SRGAP1: variants seen among roughly 807,000 people sequenced by gnomAD.
The protein encoded by SRGAP1 is SLIT-ROBO Rho GTPase activating protein 1.
SRGAP1 carries 43 observed loss-of-function variants against 121.9 expected under a neutral mutation model. The ratio of observed to expected loss-of-function variants is 0.35; its 90% CI spans 0.28 to 0.46. The LOEUF (loss-of-function observed/expected upper bound fraction) is 0.46, where lower values mean the gene tolerates loss of function less well. Ranked by LOEUF, SRGAP1 falls within the 20% of genes least tolerant of loss-of-function variation. The pLI, the probability that SRGAP1 is intolerant of heterozygous loss-of-function variation, is 1.00. For missense variants in SRGAP1, 1,102 were observed against 1,350.9 expected, an observed-to-expected ratio of 0.82 and a Z score of 2.89; for synonymous variants, 447 against 485.4, an observed-to-expected ratio of 0.92 and a Z score of 1.04.
intron 1 of SRGAP1, among the ~76,000 whole-genome samples, chr12:63,941,948 G>A (rs974277649): frequency 2.0e-5 from 3 of 152,066 alleles, no homozygotes; most frequent in African/African-American, 7.3e-5. Context: ...TTCCAAACCT[G>A]GAAATCACAG....
chr12:63,927,168 G>C (rs1163350194), intron 1 of SRGAP1, among the ~76,000 whole-genome samples: 1 of 152,078 alleles, frequency 6.6e-6, no homozygotes, highest in Non-Finnish European at 1.5e-5. Context: ...TGAAATTCTT[G>C]ACTTGAATAG....
chr12:63,987,778 T>A lies in SRGAP1; in HGVS notation c.264-2132T>A, dbSNP rs150337858. ...AAAGAATCTCTGCCTCAAATGGTAGTAATAAGGATTAAGTAGAGTTGATGT... is the reference window on the plus strand; with the variant it reads ...AAAGAATCTCTGCCTCAAATGGTAGAAATAAGGATTAAGTAGAGTTGATGT... On this transcript the variant is annotated intron_variant, in intron 2 of 21. Coordinates refer to ENST00000355086, the MANE Select transcript of SRGAP1 (RefSeq NM_020762.4). 3.3e-5 allele frequency among the ~76,000 whole-genome samples: 5 copies of A among 152,290 alleles called. No homozygotes were observed. The East Asian group carries it at 5.8e-4, about 18-fold the overall frequency.
At chr12:64,098,570 T>C (rs2036203291) in intron 15 of SRGAP1, among the ~76,000 whole-genome samples, 1 of 151,916 alleles carries the variant, frequency 6.6e-6, no homozygotes, top group African/African-American at 2.4e-5. Flanking sequence ...CTTGGGAGGC[T>C]GAAGCAGGAG....
intron 1 of SRGAP1, among the ~76,000 whole-genome samples, chr12:63,852,845 C>T (rs1899119324): frequency 6.6e-6 from 1 of 152,096 alleles, no homozygotes; most frequent in Non-Finnish European, 1.5e-5. Context: ...CACTAGAAAG[C>T]ACTTTGATAT....
chr12:64,016,819 T>C (rs1371929277), intron 3 of SRGAP1, 131 bp from the exon 4 acceptor site: 1 of 542,092 alleles, frequency 1.8e-6, no homozygotes, highest in Admixed American at 3.5e-5. Context: ...AAAGGGCCAT[T>C]CCGTTAAAGA....
At chr12:63,973,280 A>G (rs1288763300) in intron 1 of SRGAP1, among the ~76,000 whole-genome samples, 1 of 152,270 alleles carries the variant, frequency 6.6e-6, no homozygotes, top group African/African-American at 2.4e-5. Context: ...TAGACCATCT[A>G]GAAGCACAGG....
chr12:63,923,559 G>A (rs990427487), intron 1 of SRGAP1, among the ~76,000 whole-genome samples: 2 of 152,100 alleles, frequency 1.3e-5, no homozygotes, highest in African/African-American at 4.8e-5. Flanking sequence ...TACTTATTCT[G>A]TCTCTCTAAT....
chr12:63,947,569 C>G (rs1439739297), intron 1 of SRGAP1, among the ~76,000 whole-genome samples: 1 of 152,050 alleles, frequency 6.6e-6, no homozygotes. Flanking sequence ...CCTGTTAAAC[C>G]TTTTTCAAAA....
chr12:64,075,905 A>G (rs2136557410), intron 8 of SRGAP1, among the ~76,000 whole-genome samples: 1 of 150,046 alleles, frequency 6.7e-6, no homozygotes, highest in South Asian at 2.2e-4. Context: ...TTCTTTCCCA[A>G]ACATTATTTT....
rs567618391 is a variant in SRGAP1, at chr12:64,011,927, C to CT, written c.427-5023_427-5022insT. ...GCCCAGCCTGGGCAACATGGCAAAA[C>CT]CCTCTCTACATAAAATACAAAAATT... On this transcript the variant is annotated intron_variant, in intron 3 of 21. Transcript: ENST00000355086. Among the ~76,000 whole-genome samples the CT allele has an allele frequency of 1.2e-3, 179 of 152,158 alleles. 1 individual carries two copies. Among genetic ancestry groups the CT allele is most frequent in the African/African-American group, 4.1e-3 (171 of 41,484 alleles).
intron 1 of SRGAP1, among the ~76,000 whole-genome samples, chr12:63,867,523 T>C (rs2136273112): frequency 6.6e-6 from 1 of 152,306 alleles, no homozygotes. Flanking sequence ...ATAAAGCCAA[T>C]TCAAATTATG....
chr12:63,963,568 T>C (rs899960387), intron 1 of SRGAP1, among the ~76,000 whole-genome samples: 4 of 152,206 alleles, frequency 2.6e-5, no homozygotes, highest in Admixed American at 2.6e-4. Context: ...GTCTTCTAGC[T>C]ATTTTAAAAT....
chr12:64,076,880 G>A (rs1011581653), intron 8 of SRGAP1, among the ~76,000 whole-genome samples: 6 of 152,042 alleles, frequency 3.9e-5, no homozygotes, highest in Non-Finnish European at 5.9e-5. Context: ...CTGACCTCAA[G>A]CGATCCACCG....
At chr12:63,937,441 T>G (rs1374696631) in intron 1 of SRGAP1, among the ~76,000 whole-genome samples, 1 of 152,226 alleles carries the variant, frequency 6.6e-6, no homozygotes, top group Non-Finnish European at 1.5e-5. Flanking sequence ...TCTCTTTAGA[T>G]GTGGATAATT....
rs572585033 is a variant in SRGAP1, at chr12:64,079,601, G to A, written c.1323+485G>A. ...CTTGGGAGGCTGAGGTGAGAGGATC[G>A]CCTAAGCCTAGGAGGCAGAGGTTGC... On this transcript the variant is annotated intron_variant, in intron 9 of 21. Transcript: ENST00000355086. Among the ~76,000 whole-genome samples, 9 of 151,954 alleles carry A rather than the reference G, an allele frequency of 5.9e-5. No individual in the cohort carries two copies. The East Asian group carries it at 7.7e-4, about 13-fold the overall frequency.
At chr12:63,939,122 A>T (rs1243033427) in intron 1 of SRGAP1, among the ~76,000 whole-genome samples, 2 of 150,058 alleles carry the variant, frequency 1.3e-5, no homozygotes, top group East Asian at 3.9e-4. Flanking sequence ...ACCACTGCAC[A>T]CTAGATCCAC....
At chr12:63,866,290 T>A (rs1899628728) in intron 1 of SRGAP1, among the ~76,000 whole-genome samples, 1 of 152,204 alleles carries the variant, frequency 6.6e-6, no homozygotes, top group Non-Finnish European at 1.5e-5. Flanking sequence ...TTTGCAAAAC[T>A]TCTTGAAACC....
At chr12:63,992,514 C>G (rs2033580887) in intron 3 of SRGAP1, among the ~76,000 whole-genome samples, 1 of 152,066 alleles carries the variant, frequency 6.6e-6, no homozygotes, top group African/African-American at 2.4e-5. Flanking sequence ...ATTAAGTAAT[C>G]TTGGAGTGAG....
chr12:63,893,063 C>T (rs139042143), intron 1 of SRGAP1, among the ~76,000 whole-genome samples: 2 of 152,218 alleles, frequency 1.3e-5, no homozygotes, highest in South Asian at 2.1e-4. Flanking sequence ...GAATTCTGTG[C>T]GACATATCTA....
Sources: gnomAD v4.1 joint callset for allele counts (sites outside exome capture counted in the v4.1 genomes callset) on GRCh38, gnomAD v4.1.1 for gene constraint, MANE v1.5 for transcripts, NCBI Gene and HGNC (gene_info 2026-07-23, HGNC 2026-07-21) for gene names.